The following CSMD1 variants were observed in gnomAD, a reference collection of about 807,000 sequenced individuals.
CSMD1 encodes CUB and sushi domain-containing protein 1.
CSMD1 carries 213 observed loss-of-function variants against 417.5 expected under a neutral mutation model. The observed-to-expected ratio is 0.51, with a 90% confidence interval of 0.46 to 0.57. CSMD1 has a LOEUF of 0.57. Among genes scored for constraint, CSMD1 ranks in the 20% least tolerant of loss-of-function variants. The pLI is 0.00. For synonymous variants in CSMD1, 2,862 were observed against 1,736.8 expected, an observed-to-expected ratio of 1.65 and a Z score of -16.11; for missense variants, 6,923 against 4,529.7, an observed-to-expected ratio of 1.53 and a Z score of -15.17.
In CSMD1 at chr8:3,997,938, G is replaced by A. The variant is rs988984322; in HGVS notation, c.783C>T (p.Phe261=). The stretch of plus-strand genomic sequence containing the variant: ...GAGCTTCCGTGCCACTGATCTCTAA[G>A]AAATCATATCCTTCTTCTAGCTGAA... ...TDFQLEEGYD[F]LEISGTEAPS... The change falls in exon 5 of 70, where the codon TTC becomes TTT. Residue 261 remains phenylalanine, a synonymous_variant. Coordinates refer to ENST00000635120, the MANE Select transcript of CSMD1 (RefSeq NM_033225.6). 18 of 1,612,338 alleles carry A rather than the reference G, an allele frequency of 1.1e-5. No homozygotes were observed. Among genetic ancestry groups the A allele is most frequent in the Admixed American group, 1.7e-5 (1 of 59,856 alleles).
At chr8:3,758,659 G>T (rs767779789) in intron 5 of CSMD1, among the ~76,000 whole-genome samples, 2 of 152,178 alleles carry the variant, frequency 1.3e-5, no homozygotes, top group African/African-American at 4.8e-5. Context: ...TGGTGTTTCA[G>T]TTGAGATTTA....
chr8:4,693,970 G>C (rs1041649589), intron 1 of CSMD1, among the ~76,000 whole-genome samples: 1 of 152,166 alleles, frequency 6.6e-6, no homozygotes, highest in Non-Finnish European at 1.5e-5. Flanking sequence ...TTCAAATTCA[G>C]GGAGACTCTG....
In CSMD1 at chr8:3,535,245, A is replaced by C. The variant is rs879789198; in HGVS notation, c.1344+39700T>G. 3.7e-4 allele frequency among the ~76,000 whole-genome samples: 57 copies of C among 152,194 alleles called. No individual in the cohort carries two copies. In the East Asian group the frequency reaches 0.01, roughly 28 times the overall value. ...TAGGATTACAGGCATGAGCCACCGCACCCAGCCACTGTGGGAAGCTAATGA... is the reference window on the plus strand; with the variant it reads ...TAGGATTACAGGCATGAGCCACCGCCCCCAGCCACTGTGGGAAGCTAATGA... On this transcript the variant is annotated intron_variant, in intron 10 of 69. Transcript: ENST00000635120.
At chr8:4,076,726 C>G (rs899258008) in intron 3 of CSMD1, among the ~76,000 whole-genome samples, 6 of 152,328 alleles carry the variant, frequency 3.9e-5, no homozygotes, top group South Asian at 2.1e-4. Context: ...ATCTCTGGCT[C>G]TCCAAGCCCT....
At chr8:3,006,771 T>C (rs948757563) in intron 52 of CSMD1, among the ~76,000 whole-genome samples, 7 of 151,564 alleles carry the variant, frequency 4.6e-5, no homozygotes, top group Admixed American at 4.6e-4. Context: ...CAAAAATCAA[T>C]TCAAGATGGA....
chr8:2,990,811 T>C (rs1806318000), intron 54 of CSMD1, among the ~76,000 whole-genome samples: 1 of 152,184 alleles, frequency 6.6e-6, no homozygotes, highest in Non-Finnish European at 1.5e-5. Flanking sequence ...CTACAGCACA[T>C]GGGCCCAGAG....
At chr8:4,779,760 G>C (rs10081537) in intron 1 of CSMD1, among the ~76,000 whole-genome samples, 26,086 of 152,044 alleles carry the variant, frequency 0.17, 2,337 homozygotes, top group East Asian at 0.33. Flanking sequence ...TGCTAATTGC[G>C]GTTTGCTGAT....
intron 8 of CSMD1, 58 bp from the exon 9 acceptor site, chr8:3,586,318 G>GA (rs34200940): frequency 0.17 from 194,957 of 1,176,656 alleles, 3,054 homozygotes; most frequent in African/African-American, 0.23. Flanking sequence ...ACTTCTTTAG[G>GA]AAAAAAAAAA....
intron 1 of CSMD1, among the ~76,000 whole-genome samples, chr8:4,640,206 TC>T: frequency 6.6e-6 from 1 of 152,190 alleles, no homozygotes; most frequent in Admixed American, 6.5e-5. Context: ...TCACATTTGA[TC>T]CATTCATTGA....
At chr8:3,298,780 T>C (rs62504380) in intron 25 of CSMD1, among the ~76,000 whole-genome samples, 22,405 of 152,190 alleles carry the variant, frequency 0.15, 1,710 homozygotes, top group Admixed American at 0.2. Context: ...AATTCAAATT[T>C]GGCAAAACTC....
chr8:3,245,019 C>T (rs978425052), intron 26 of CSMD1, among the ~76,000 whole-genome samples: 1 of 152,150 alleles, frequency 6.6e-6, no homozygotes, highest in Non-Finnish European at 1.5e-5. Flanking sequence ...GAATTTGGTG[C>T]TCAAAAGGAC....
chr8:4,262,748 T>G (rs1803975184), intron 3 of CSMD1, among the ~76,000 whole-genome samples: 1 of 152,174 alleles, frequency 6.6e-6, no homozygotes, highest in African/African-American at 2.4e-5. Context: ...GAGGTTTTTC[T>G]TTACTTCCTT....
Position 3,214,697 on chromosome 8 carries a change from G to T in CSMD1, c.4673-6C>A. ...ACAAGCTTCCCGTGGTTTCTCTGTG[G>T]AAGAAATGAATGTAAACTGCATGAG... On this transcript the variant is annotated splice_polypyrimidine_tract_variant and splice_region_variant and intron_variant, in intron 29 of 69. Transcript: ENST00000635120. 1 of 1,547,232 alleles carries T rather than the reference G, an allele frequency of 6.5e-7. No individual in the cohort carries two copies. The highest frequency in any genetic ancestry group is 8.7e-7 in the Non-Finnish European group (1 of 1,144,606).
intron 26 of CSMD1, among the ~76,000 whole-genome samples, chr8:3,251,495 C>A (rs555551907): frequency 2.6e-5 from 4 of 152,244 alleles, no homozygotes; most frequent in African/African-American, 7.2e-5. Context: ...AGTCAGGTAG[C>A]ATGATGCCTC....
chr8:4,547,659 C>T (rs541833163), intron 2 of CSMD1, among the ~76,000 whole-genome samples: 7 of 152,076 alleles, frequency 4.6e-5, no homozygotes, highest in African/African-American at 7.2e-5. Flanking sequence ...GAATGTAAAA[C>T]GAATGATTGA....
intron 2 of CSMD1, among the ~76,000 whole-genome samples, chr8:4,610,883 T>C (rs1392128472): frequency 6.6e-6 from 1 of 152,244 alleles, no homozygotes; most frequent in Non-Finnish European, 1.5e-5. Context: ...TGAATCATTT[T>C]AATGACATTT....
At chr8:3,904,442 A>G (rs138379512) in intron 5 of CSMD1, among the ~76,000 whole-genome samples, 3,189 of 152,230 alleles carry the variant, frequency 0.021, 36 homozygotes, top group Middle Eastern at 0.11. Flanking sequence ...GTGTCTAGGA[A>G]TGTCCCAGAG....
At chr8:4,794,315 G>A (rs1228916021) in intron 1 of CSMD1, among the ~76,000 whole-genome samples, 1 of 152,058 alleles carries the variant, frequency 6.6e-6, no homozygotes, top group Non-Finnish European at 1.5e-5. Context: ...GTTAAAAGAA[G>A]GTCTCTGCAT....
chr8:3,678,062 G>C lies in CSMD1; in HGVS notation c.1009+30352C>G, dbSNP rs535039533. ...AAAGACAGTGGGAGGGTGGTTCAAA[G>C]ATGGCTGAATAGGAACAGCTCCAGT... On this transcript the variant is annotated intron_variant, in intron 7 of 69. Transcript: ENST00000635120. Among the ~76,000 whole-genome samples, 12 of 152,238 alleles carry C rather than the reference G, an allele frequency of 7.9e-5. No individual in the cohort carries two copies. The East Asian group carries it at 1.5e-3, about 20-fold the overall frequency.
Sources: gnomAD v4.1 joint callset for allele counts (sites outside exome capture counted in the v4.1 genomes callset) on GRCh38, gnomAD v4.1.1 for gene constraint, MANE v1.5 for transcripts, NCBI Gene and HGNC (gene_info 2026-07-23, HGNC 2026-07-21) for gene names.